The following RAP1A variants were observed in gnomAD, a reference collection of about 807,000 sequenced individuals.
The protein encoded by RAP1A is RAP1A, member of RAS oncogene family, also known as ras-related protein Rap-1A.
Under a neutral mutation model 26.4 loss-of-function variants are expected in RAP1A, and 6 were observed. That is an observed-to-expected ratio of 0.23 (90% CI 0.12 to 0.45). The LOEUF is 0.45. Among genes scored for constraint, RAP1A ranks in the 20% least tolerant of loss-of-function variants. The pLI, the probability that RAP1A is intolerant of heterozygous loss-of-function variation, is 0.99. For missense variants in RAP1A, 121 were observed against 217.2 expected, an observed-to-expected ratio of 0.56 and a Z score of 2.78; for synonymous variants, 73 against 79.4, an observed-to-expected ratio of 0.92 and a Z score of 0.43.
intron 1 of RAP1A, among the ~76,000 whole-genome samples, chr1:111,622,387 G>A: frequency 6.6e-6 from 1 of 152,258 alleles, no homozygotes; most frequent in Non-Finnish European, 1.5e-5. Context: ...AGCCACACTG[G>A]CCTCCTACAT....
intron 1 of RAP1A, among the ~76,000 whole-genome samples, chr1:111,650,229 G>A (rs1312205485): frequency 1.3e-5 from 2 of 151,136 alleles, no homozygotes; most frequent in African/African-American, 2.4e-5. Context: ...AAGAAATTCA[G>A]TGACTTGCCC....
chr1:111,587,792 A>G (rs995699461), intron 1 of RAP1A, among the ~76,000 whole-genome samples: 3 of 152,174 alleles, frequency 2.0e-5, no homozygotes, highest in African/African-American at 7.2e-5. Flanking sequence ...TTACCTGCAC[A>G]GGGCTATCCT....
At chr1:111,698,123 C>T (rs1430407103) in intron 4 of RAP1A, among the ~76,000 whole-genome samples, 2 of 152,102 alleles carry the variant, frequency 1.3e-5, no homozygotes, top group African/African-American at 4.8e-5. Flanking sequence ...ATACCATCAC[C>T]TTTATAATTT....
At chr1:111,657,675 T>C in intron 1 of RAP1A, among the ~76,000 whole-genome samples, 1 of 152,176 alleles carries the variant, frequency 6.6e-6, no homozygotes, top group East Asian at 1.9e-4. Flanking sequence ...CATGTGAATA[T>C]CCAGTTTTTC....
chr1:111,563,821 AG>A, intron 1 of RAP1A: 1 of 1,590,186 alleles, frequency 6.3e-7, no homozygotes, highest in Non-Finnish European at 8.6e-7. Flanking sequence ...GCCTCCCAGC[AG>A]CTATATTTTC....
chr1:111,704,293 C>G, intron 5 of RAP1A, 50 bp from the exon 6 acceptor site: 1 of 1,575,396 alleles, frequency 6.3e-7, no homozygotes. Flanking sequence ...TTTTAAAAGG[C>G]TAAGTAATGA....
At position 111,577,807 on chromosome 1, in the gene RAP1A, A is replaced by G. The variant is rs576338431; in HGVS notation, c.-28+35298A>G. ...TATCCCACTTAATTACATTCTTCCCATGAAGTAATGTCAGGCTCTATAAAG... is the reference window on the plus strand; with the variant it reads ...TATCCCACTTAATTACATTCTTCCCGTGAAGTAATGTCAGGCTCTATAAAG... On this transcript the variant is annotated intron_variant, in intron 1 of 7. Coordinates refer to the RAP1A transcript ENST00000356415. Among the ~76,000 whole-genome samples, 5 of 152,302 alleles carry G rather than the reference A, an allele frequency of 3.3e-5. No homozygotes were observed. In the South Asian group the frequency reaches 8.3e-4, roughly 25 times the overall value.
chr1:111,711,567 G>A (rs571707509), intron 7 of RAP1A, among the ~76,000 whole-genome samples: 1 of 152,292 alleles, frequency 6.6e-6, no homozygotes, highest in East Asian at 1.9e-4. Context: ...AGTCATCCAA[G>A]ATCTCTGTGG....
intron 2 of RAP1A, among the ~76,000 whole-genome samples, 189 bp downstream of exon 2, chr1:111,691,606 AT>A (rs1284708567): frequency 1.3e-5 from 2 of 152,336 alleles, no homozygotes; most frequent in Middle Eastern, 3.4e-3. Flanking sequence ...TGGCTCATTT[AT>A]TCTTATATTT....
At chr1:111,574,330 A>G (rs1183696969) in intron 1 of RAP1A, among the ~76,000 whole-genome samples, 1 of 152,036 alleles carries the variant, frequency 6.6e-6, no homozygotes, top group Admixed American at 6.5e-5. Flanking sequence ...CTGTTTTTGT[A>G]CCAGTGCCAT....
chr1:111,612,005 G>A (rs500714), intron 1 of RAP1A, among the ~76,000 whole-genome samples: 9,103 of 139,116 alleles, frequency 0.065, 293 homozygotes, highest in South Asian at 0.098. Flanking sequence ...CAGTTTACAC[G>A]TGCTTGAGTT....
intron 1 of RAP1A, among the ~76,000 whole-genome samples, chr1:111,557,208 A>G (rs1657529947): frequency 6.6e-6 from 1 of 152,210 alleles, no homozygotes; most frequent in Non-Finnish European, 1.5e-5. Context: ...TTTCTTCAAA[A>G]GACTGAAATG....
exon 1 of RAP1A, chr1:111,542,277 G>A: frequency 1.7e-6 from 1 of 592,926 alleles, no homozygotes; most frequent in Admixed American, 1.9e-5. Flanking sequence ...TTCAGGATCA[G>A]ACCTGCCGGT....
chr1:111,651,614 T>C (rs1009586371), intron 1 of RAP1A, among the ~76,000 whole-genome samples: 3 of 151,616 alleles, frequency 2.0e-5, no homozygotes, highest in African/African-American at 7.3e-5. Context: ...GTAGCTGGGA[T>C]TACAGGCATG....
intron 4 of RAP1A, among the ~76,000 whole-genome samples, chr1:111,698,715 A>G (rs1258519852): frequency 1.3e-5 from 2 of 152,146 alleles, no homozygotes; most frequent in Non-Finnish European, 2.9e-5. Flanking sequence ...TACTAATTAT[A>G]CTGTATTTTT....
chr1:111,545,776 C>T (rs546347044), intron 1 of RAP1A, among the ~76,000 whole-genome samples: 1 of 152,008 alleles, frequency 6.6e-6, no homozygotes, highest in Non-Finnish European at 1.5e-5. Context: ...GTTATTTGAT[C>T]GATTTTTACT....
chr1:111,608,879 G>C (rs1658868638), intron 1 of RAP1A, among the ~76,000 whole-genome samples: 1 of 152,316 alleles, frequency 6.6e-6, no homozygotes, highest in East Asian at 1.9e-4. Context: ...TCGGCATCGG[G>C]AGAGGGAGAG....
chr1:111,655,550 T>C (rs1477506602), intron 1 of RAP1A, among the ~76,000 whole-genome samples: 1 of 151,964 alleles, frequency 6.6e-6, no homozygotes, highest in Non-Finnish European at 1.5e-5. Flanking sequence ...AACATTTATG[T>C]TGAAACTGTG....
intron 1 of RAP1A, among the ~76,000 whole-genome samples, chr1:111,587,331 C>G (rs2101064306): frequency 6.6e-6 from 1 of 152,288 alleles, no homozygotes; most frequent in Admixed American, 6.5e-5. Flanking sequence ...AATCATCTTT[C>G]TACTTTATGA....
Sources: gnomAD v4.1 joint callset for allele counts (sites outside exome capture counted in the v4.1 genomes callset) on GRCh38, gnomAD v4.1.1 for gene constraint, MANE v1.5 for transcripts, NCBI Gene and HGNC (gene_info 2026-07-23, HGNC 2026-07-21) for gene names.